DTNB: variants seen among roughly 807,000 people sequenced by gnomAD.
The protein encoded by DTNB is dystrobrevin beta.
Under a neutral mutation model 90.7 loss-of-function variants are expected in DTNB, and 63 were observed. The ratio of observed to expected loss-of-function variants is 0.69; its 90% confidence interval spans 0.57 to 0.86. The LOEUF (loss-of-function observed/expected upper bound fraction) is 0.86, where lower values mean the gene tolerates loss of function less well. DTNB is among the 40% of genes least tolerant of loss of function. The pLI is 0.00. For missense variants in DTNB, 744 were observed against 807.1 expected (o/e 0.92, Z 0.95); for synonymous variants, 277 against 286.7 (o/e 0.97, Z 0.34).
intron 16 of DTNB, among the ~76,000 whole-genome samples, chr2:25,416,804 C>T (rs200463243): frequency 7.7e-6 from 1 of 129,962 alleles, no homozygotes; most frequent in Non-Finnish European, 1.7e-5. Context: ...AAGGAAGGAA[C>T]GAAGGAAGGA....
intron 6 of DTNB, among the ~76,000 whole-genome samples, chr2:25,586,039 C>G (rs183453171): frequency 3.7e-4 from 57 of 152,190 alleles, no homozygotes; most frequent in African/African-American, 1.3e-3. Context: ...ATTAGAAAAA[C>G]TTCAAATATT....
At chr2:25,440,599 T>C (rs2057147168) in intron 12 of DTNB, among the ~76,000 whole-genome samples, 1 of 152,224 alleles carries the variant, frequency 6.6e-6, no homozygotes. Flanking sequence ...CATCCAAATA[T>C]ACATGAGGAC....
At chr2:25,610,302 G>C (rs943183350) in intron 4 of DTNB, among the ~76,000 whole-genome samples, 3 of 152,020 alleles carry the variant, frequency 2.0e-5, no homozygotes, top group Non-Finnish European at 4.4e-5. Context: ...AAATAGTTTA[G>C]CTACACTTCC....
In DTNB at chr2:25,553,183, G is replaced by A. The variant is rs190928365; in HGVS notation, c.877-21586C>T. Among the ~76,000 whole-genome samples, 194 of 152,000 alleles carry A rather than the reference G, an allele frequency of 1.3e-3. 1 individual carries two copies. Among genetic ancestry groups the A allele is most frequent in the Non-Finnish European group, 2.1e-3 (140 of 67,962 alleles). On this transcript the variant is annotated intron_variant, in intron 8 of 20. Transcript: ENST00000406818. ...GCCCAGGCTGGTCTCAAACTTCTGG[G>A]CTCTAGCAATCCTCCCACCTTAGCC...
intron 4 of DTNB, among the ~76,000 whole-genome samples, chr2:25,616,707 T>G (rs1459202316): frequency 6.8e-6 from 1 of 147,790 alleles, no homozygotes; most frequent in East Asian, 2.0e-4. Context: ...CCAAAGCTGG[T>G]GGATCACGAG....
At chr2:25,644,023 T>TTG (rs1219206174) in intron 2 of DTNB, among the ~76,000 whole-genome samples, 1 of 152,184 alleles carries the variant, frequency 6.6e-6, no homozygotes, top group African/African-American at 2.4e-5. Flanking sequence ...CCATGACAGT[T>TTG]TTCAGATGCC....
intron 1 of DTNB, among the ~76,000 whole-genome samples, chr2:25,658,820 T>C (rs751081511): frequency 9.2e-5 from 14 of 152,336 alleles, no homozygotes; most frequent in Middle Eastern, 3.4e-3. Context: ...CAGAGAAATA[T>C]TCTGTATGAT....
At chr2:25,671,260 C>T (rs2085823827) in intron 1 of DTNB, among the ~76,000 whole-genome samples, 1 of 152,184 alleles carries the variant, frequency 6.6e-6, no homozygotes, top group South Asian at 2.1e-4. Flanking sequence ...TGGAACATAT[C>T]CCTGAGGCTA....
At chr2:25,379,213 G>A (rs1168804022) in intron 20 of DTNB, 77 bp downstream of exon 20, 10 of 1,269,538 alleles carry the variant, frequency 7.9e-6, no homozygotes, top group Non-Finnish European at 1.0e-5. Context: ...ACCTGTGACT[G>A]CAGGAAGGGA....
At chr2:25,550,506 C>T (rs2083427602) in intron 8 of DTNB, among the ~76,000 whole-genome samples, 1 of 152,172 alleles carries the variant, frequency 6.6e-6, no homozygotes, top group Non-Finnish European at 1.5e-5. Flanking sequence ...GACCATCAGT[C>T]TTTTCTCTCC....
At chr2:25,528,275 G>A (rs981683124) in intron 9 of DTNB, among the ~76,000 whole-genome samples, 5 of 152,064 alleles carry the variant, frequency 3.3e-5, no homozygotes, top group Middle Eastern at 3.2e-3. Context: ...TCTTAAACCC[G>A]ATAAATAGTT....
chr2:25,514,750 T>C (rs190945941), intron 9 of DTNB, among the ~76,000 whole-genome samples: 1 of 145,566 alleles, frequency 6.9e-6, no homozygotes, highest in Non-Finnish European at 1.5e-5. Context: ...GTGCAGTGGC[T>C]CTCGGCTACT....
At chr2:25,431,638 T>A (rs535986540) in intron 14 of DTNB, among the ~76,000 whole-genome samples, 6 of 152,322 alleles carry the variant, frequency 3.9e-5, no homozygotes, top group African/African-American at 1.2e-4. Flanking sequence ...TCCTTCCGGC[T>A]TAACTGAGCA....
chr2:25,507,412 C>T (rs2072731490), intron 9 of DTNB, among the ~76,000 whole-genome samples: 1 of 152,148 alleles, frequency 6.6e-6, no homozygotes, highest in African/African-American at 2.4e-5. Context: ...AAAAAGGACT[C>T]AACACATCCA....
At chr2:25,574,024 C>T (rs529151198) in intron 8 of DTNB, among the ~76,000 whole-genome samples, 1 of 152,298 alleles carries the variant, frequency 6.6e-6, no homozygotes, top group South Asian at 2.1e-4. Context: ...AGGCACCCTG[C>T]TATTTATTAA....
At chr2:25,378,889 G>T (rs2036680527) in intron 20 of DTNB, among the ~76,000 whole-genome samples, 1 of 152,202 alleles carries the variant, frequency 6.6e-6, no homozygotes, top group African/African-American at 2.4e-5. Context: ...AGAATCCAGG[G>T]ACGCACTGGC....
intron 5 of DTNB, among the ~76,000 whole-genome samples, chr2:25,606,202 A>AG (rs397745530): frequency 3.3e-5 from 5 of 151,222 alleles, no homozygotes; most frequent in African/African-American, 7.3e-5. Flanking sequence ...AAAAAAAAAA[A>AG]GGGCATGGAG....
At chr2:25,497,059 C>T (rs780115866) in intron 9 of DTNB, among the ~76,000 whole-genome samples, 11 of 152,174 alleles carry the variant, frequency 7.2e-5, no homozygotes, top group Admixed American at 2.0e-4. Flanking sequence ...TAATGCATTA[C>T]GCTGCTGTTG....
chr2:25,435,512 CTTT>C (rs2055439211), intron 12 of DTNB, among the ~76,000 whole-genome samples: 1 of 152,184 alleles, frequency 6.6e-6, no homozygotes, highest in African/African-American at 2.4e-5. Context: ...TTATGTCTAT[CTTT>C]TTTCACTTAG....
Sources: gnomAD v4.1 joint callset for allele counts (sites outside exome capture counted in the v4.1 genomes callset) on GRCh38, gnomAD v4.1.1 for gene constraint, MANE v1.5 for transcripts, NCBI Gene and HGNC (gene_info 2026-07-23, HGNC 2026-07-21) for gene names.